VPS13A: variants seen among roughly 807,000 people sequenced by gnomAD.
VPS13A encodes vacuolar protein sorting 13 homolog A.
Under a neutral mutation model 390.9 loss-of-function variants are expected in VPS13A, and 264 were observed. The observed-to-expected ratio is 0.68, with a 90% CI of 0.61 to 0.75. VPS13A has a LOEUF of 0.75. VPS13A is among the 30% of genes least tolerant of loss of function. The probability of loss-of-function intolerance (pLI) is 0.00; values close to 1 mark genes in which losing one functional copy is unlikely to be tolerated. For synonymous variants in VPS13A, 1,231 were observed against 1,227.1 expected (o/e 1.00, Z -0.07); for missense variants, 3,409 against 3,733.9 (o/e 0.91, Z 2.27).
At chr9:77,359,528 A>T (rs1302389136) in intron 58 of VPS13A, 126 bp downstream of exon 58, 4 of 927,746 alleles carry the variant, frequency 4.3e-6, no homozygotes, top group Non-Finnish European at 6.6e-6. Flanking sequence ...ATAAACGTCA[A>T]ATAAAAAAAT....
chr9:77,220,181 A>T (rs1449148342), intron 11 of VPS13A, 96 bp from the exon 12 acceptor site: 9 of 1,511,658 alleles, frequency 6.0e-6, no homozygotes, highest in Non-Finnish European at 8.2e-6. Context: ...GTTATATGGT[A>T]GCATTTCCCT....
rs771777638 is a variant in VPS13A at position 77,177,852 on chromosome 9, C to A, written c.100+48C>A. 9.1e-6 allele frequency: 14 copies of A among 1,544,894 alleles called. No individual in the cohort carries two copies. In the South Asian group the frequency reaches 1.3e-4, roughly 14 times the overall value. ...TCCCCGGCCTCTCGTGCTTCCCGGC[C>A]GTCTCGCTGCCCGAGCGGCGTCCTG... is the stretch of plus-strand genomic sequence containing the variant. On this transcript the variant is annotated intron_variant, in intron 1 of 71. Coordinates refer to ENST00000360280, the MANE Select transcript of VPS13A (RefSeq NM_033305.3).
intron 68 of VPS13A, among the ~76,000 whole-genome samples, chr9:77,399,181 TAAAAAAAAAAAA>T (rs1223344360): frequency 1.7e-3 from 60 of 35,002 alleles, no homozygotes; most frequent in African/African-American, 4.7e-3. Context: ...AAAAAAAAAA[TAAAAAAAAAAAA>T]AAAAAAAAAA....
At chr9:77,364,522 A>G (rs1489800408) in intron 59 of VPS13A, among the ~76,000 whole-genome samples, 1 of 152,190 alleles carries the variant, frequency 6.6e-6, no homozygotes, top group African/African-American at 2.4e-5. Flanking sequence ...GTAGCTGGGA[A>G]CAGGATGAGA....
chr9:77,259,985 A>G lies in VPS13A; in HGVS notation c.2289-101A>G, dbSNP rs1414021121. 1.0e-5 allele frequency: 9 copies of G among 869,332 alleles called. No homozygotes were observed. The South Asian group carries it at 1.3e-4, about 12-fold the overall frequency. 53.9% of individuals were successfully genotyped at this position (869,332 alleles called of 1,614,324 possible). A position where few individuals can be genotyped will look rare whatever the true frequency, so the allele number is the denominator to read the frequency against. On this transcript the variant is annotated intron_variant, in intron 22 of 71. Coordinates refer to ENST00000360280, the MANE Select transcript of VPS13A (RefSeq NM_033305.3). ...GGAATAGAGATTTTTAGTGTTTAAAATCACATTTGATTCAGATAATTTGAG... is the reference window on the plus strand; with the variant it reads ...GGAATAGAGATTTTTAGTGTTTAAAGTCACATTTGATTCAGATAATTTGAG...
At chr9:77,225,892 G>A in intron 13 of VPS13A, 34 bp from the exon 14 acceptor site, 1 of 1,529,972 alleles carries the variant, frequency 6.5e-7, no homozygotes, top group Non-Finnish European at 9.0e-7. Context: ...AGTTATTTTT[G>A]TAAAGTTAAC....
intron 53 of VPS13A, among the ~76,000 whole-genome samples, chr9:77,352,395 A>G (rs976781774): frequency 4.6e-5 from 7 of 151,522 alleles, no homozygotes; most frequent in African/African-American, 1.2e-4. Context: ...ATTGTCTTTC[A>G]GTGCTGCTGT....
intron 34 of VPS13A, among the ~76,000 whole-genome samples, chr9:77,306,983 T>G (rs920223635): frequency 1.3e-5 from 2 of 151,096 alleles, no homozygotes; most frequent in Admixed American, 6.6e-5. Flanking sequence ...CTCGGCTCAC[T>G]GCACTCTCTG....
At chr9:77,376,182 T>G (rs1833064435) in intron 67 of VPS13A, among the ~76,000 whole-genome samples, 1 of 152,104 alleles carries the variant, frequency 6.6e-6, no homozygotes, top group South Asian at 2.1e-4. Context: ...CTTGGCCTAT[T>G]TGAGAAACAG....
chr9:77,280,781 A>G (rs1310394840), intron 27 of VPS13A, among the ~76,000 whole-genome samples: 1 of 152,216 alleles, frequency 6.6e-6, no homozygotes, highest in Non-Finnish European at 1.5e-5. Flanking sequence ...TAATGCAGAA[A>G]GCATTTAATC....
intron 22 of VPS13A, among the ~76,000 whole-genome samples, chr9:77,259,082 T>G (rs905348330): frequency 5.3e-5 from 8 of 152,312 alleles, no homozygotes; most frequent in Middle Eastern, 3.4e-3. Context: ...AGATGAAATC[T>G]TAGAAGTTAT....
intron 67 of VPS13A, among the ~76,000 whole-genome samples, chr9:77,374,717 T>G (rs1027975738): frequency 6.6e-6 from 1 of 152,192 alleles, no homozygotes; most frequent in Non-Finnish European, 1.5e-5. Flanking sequence ...TACACATTGT[T>G]TTTTACTCCA....
In VPS13A at chr9:77,356,905, T is replaced by A. The variant is rs1390148588; in HGVS notation, c.7806+38T>A. 3 of 1,609,082 alleles carry A rather than the reference T, an allele frequency of 1.9e-6. No homozygotes were observed. In the African/African-American group the frequency reaches 4.0e-5, roughly 21 times the overall value. The stretch of plus-strand genomic sequence containing the variant: ...AGTACTGATGTGAAGTTTTAATTTT[T>A]TGCCTGTCGTAGTTTGGTGAATCAC... On this transcript the variant is annotated intron_variant, in intron 55 of 71. Transcript: ENST00000360280.
intron 44 of VPS13A, 56 bp downstream of exon 44, chr9:77,321,802 C>A: frequency 6.3e-7 from 1 of 1,585,686 alleles, no homozygotes; most frequent in Non-Finnish European, 8.6e-7. Flanking sequence ...TTACAATTTA[C>A]ATGTTATTTT....
rs185137949 is a variant in VPS13A at position 77,317,884 on chromosome 9, A to G, written c.4956+186A>G. Among the ~76,000 whole-genome samples the G allele has an allele frequency of 2.0e-5, 3 of 152,040 alleles. 1 individual carries two copies. The highest frequency in any genetic ancestry group is 2.0e-4 in the Admixed American group (3 of 15,272). On this transcript the variant is annotated intron_variant, in intron 40 of 71. Transcript: ENST00000360280. ...ACACATTTTATGAATGTTATTCTAT[A>G]TTTTATTATTTACATTTGTGTGGTT...
intron 71 of VPS13A, among the ~76,000 whole-genome samples, chr9:77,409,237 G>C (rs1440543427): frequency 2.6e-5 from 4 of 152,170 alleles, no homozygotes; most frequent in East Asian, 1.9e-4. Flanking sequence ...TGAGGGTCCT[G>C]ACTGTTTGTT....
intron 69 of VPS13A, among the ~76,000 whole-genome samples, chr9:77,404,709 T>G (rs1483935866): frequency 6.6e-6 from 1 of 152,208 alleles, no homozygotes; most frequent in Non-Finnish European, 1.5e-5. Context: ...TTAGTTGTAG[T>G]TGAATAAAAC....
At chr9:77,235,173 C>G (rs1217273626) in intron 17 of VPS13A, among the ~76,000 whole-genome samples, 1 of 152,176 alleles carries the variant, frequency 6.6e-6, no homozygotes, top group Non-Finnish European at 1.5e-5. Flanking sequence ...AAATTACTAT[C>G]TAATATCCTG....
In VPS13A at chr9:77,238,501, G is replaced by A. The variant is rs996604563; in HGVS notation, c.1900+115G>A. On this transcript the variant is annotated intron_variant, in intron 19 of 71. Coordinates refer to ENST00000360280, the MANE Select transcript of VPS13A (RefSeq NM_033305.3). ...TTAAATTTATTATATTTCTAGACTGGTTTTAGTTTAACAGAAACTAATTTA... is the reference window on the plus strand; with the variant it reads ...TTAAATTTATTATATTTCTAGACTGATTTTAGTTTAACAGAAACTAATTTA... 2.8e-5 allele frequency: 24 copies of A among 856,104 alleles called. No individual in the cohort carries two copies. The South Asian group carries it at 3.7e-4, about 13-fold the overall frequency. 53.0% of individuals were successfully genotyped at this position (856,104 alleles called of 1,614,324 possible). A position where few individuals can be genotyped will look rare whatever the true frequency, so the allele number is the denominator to read the frequency against.
Sources: gnomAD v4.1 joint callset for allele counts (sites outside exome capture counted in the v4.1 genomes callset) on GRCh38, gnomAD v4.1.1 for gene constraint, MANE v1.5 for transcripts, NCBI Gene and HGNC (gene_info 2026-07-23, HGNC 2026-07-21) for gene names.